FAM117B: variants seen among roughly 807,000 people sequenced by gnomAD.
The protein encoded by FAM117B is family with sequence similarity 117 member B.
In FAM117B, 22 loss-of-function variants were observed where a neutral mutation model predicts 52.8. The ratio of observed to expected loss-of-function variants is 0.42; its 90% CI spans 0.30 to 0.59. FAM117B has a LOEUF of 0.59. FAM117B is among the 20% of genes least tolerant of loss of function. FAM117B has a pLI of 0.22. For synonymous variants in FAM117B, 309 were observed against 324.1 expected, an observed-to-expected ratio of 0.95 and a Z score of 0.50; for missense variants, 678 against 802.6, an observed-to-expected ratio of 0.84 and a Z score of 1.88.
chr2:202,731,368 T>TATATATATATATATAGATAG (rs780138718), intron 4 of FAM117B, among the ~76,000 whole-genome samples: 1 of 95,842 alleles, frequency 1.0e-5, no homozygotes, highest in African/African-American at 3.4e-5. Flanking sequence ...TATATATATA[T>TATATATATATATATAGATAG]GGAGAGAGAG....
intron 2 of FAM117B, among the ~76,000 whole-genome samples, chr2:202,699,694 G>C (rs747919607): frequency 2.0e-5 from 3 of 151,994 alleles, no homozygotes; most frequent in Non-Finnish European, 4.4e-5. Flanking sequence ...TAAACATTGT[G>C]GTAAAATATA....
chr2:202,673,470 CGTT>C (rs1462342072), intron 1 of FAM117B, among the ~76,000 whole-genome samples: 2 of 40,422 alleles, frequency 4.9e-5, no homozygotes, highest in South Asian at 7.9e-4. Flanking sequence ...TTTTTTGAGA[CGTT>C]GTCTTGCTCT....
chr2:202,650,686 C>T (rs998215978), intron 1 of FAM117B, among the ~76,000 whole-genome samples: 2 of 152,150 alleles, frequency 1.3e-5, no homozygotes, highest in Non-Finnish European at 2.9e-5. Context: ...GGCCTGAGAG[C>T]GCCTGGCAAT....
intron 2 of FAM117B, among the ~76,000 whole-genome samples, chr2:202,716,139 CCTT>C (rs1286454868): frequency 1.3e-5 from 2 of 152,142 alleles, no homozygotes; most frequent in African/African-American, 4.8e-5. Context: ...TATGTAGTGA[CCTT>C]CTTTGTCTCT....
At chr2:202,714,911 A>G (rs1192412168) in intron 2 of FAM117B, among the ~76,000 whole-genome samples, 5 of 152,190 alleles carry the variant, frequency 3.3e-5, no homozygotes, top group African/African-American at 1.2e-4. Flanking sequence ...GAACAAAATG[A>G]AAAGTCTCCC....
Position 202,682,302 on chromosome 2 carries a change from C to T in FAM117B, c.602-13579C>T, listed in dbSNP as rs748986514. ...GAGCTGTTAACTCTTAAGCCGTCTG[C>T]GGATGGCAAAGTTAAAAGGGTGCTG... On this transcript the variant is annotated intron_variant, in intron 1 of 7. Transcript: ENST00000392238. Among the ~76,000 whole-genome samples the T allele has an allele frequency of 4.6e-5, 7 of 152,294 alleles. No individual in the cohort carries two copies. The East Asian group carries it at 9.6e-4, about 21-fold the overall frequency.
At position 202,681,476 on chromosome 2, in the gene FAM117B, C is replaced by T. The variant is rs76374047; in HGVS notation, c.602-14405C>T. Among the ~76,000 whole-genome samples, 542 of 152,072 alleles carry T rather than the reference C, an allele frequency of 3.6e-3. 3 individuals carry two copies. Among genetic ancestry groups the T allele is most frequent in the African/African-American group, 0.013 (523 of 41,462 alleles). ...ATAAGATGCACTGTACAAAACTGAG[C>T]GTAGGAAAGCTAATATAGTGATTAC... On this transcript the variant is annotated intron_variant, in intron 1 of 7. Transcript: ENST00000392238.
intron 2 of FAM117B, among the ~76,000 whole-genome samples, chr2:202,724,584 A>G (rs796453477): frequency 1.5e-4 from 23 of 152,322 alleles, no homozygotes; most frequent in African/African-American, 5.5e-4. Context: ...ATAATAACTG[A>G]CATTATTAGC....
intron 7 of FAM117B, among the ~76,000 whole-genome samples, chr2:202,761,450 G>C (rs1479381043): frequency 7.2e-5 from 11 of 152,190 alleles, no homozygotes; most frequent in Non-Finnish European, 2.9e-5. Flanking sequence ...AGAGGTGTGT[G>C]TGTGTGTCTG....
rs548766962 is a variant in FAM117B, at chr2:202,667,393, G to A, written c.602-28488G>A. Among the ~76,000 whole-genome samples, 3 of 152,166 alleles carry A rather than the reference G, an allele frequency of 2.0e-5. No individual in the cohort carries two copies. In the East Asian group the frequency reaches 5.8e-4, roughly 29 times the overall value. ...TGGGATTATTAGCATGAGCCACCACGCCCGGCCTAAGTATTTCTTTTTGAG... is the reference window on the plus strand; with the variant it reads ...TGGGATTATTAGCATGAGCCACCACACCCGGCCTAAGTATTTCTTTTTGAG... On this transcript the variant is annotated intron_variant, in intron 1 of 7. Coordinates refer to ENST00000392238, the MANE Select transcript of FAM117B (RefSeq NM_173511.4).
intron 1 of FAM117B, among the ~76,000 whole-genome samples, chr2:202,668,140 AAAT>A (rs1417240712): frequency 1.4e-5 from 2 of 140,230 alleles, no homozygotes; most frequent in African/African-American, 2.9e-5. Context: ...TATTTTATAA[AAAT>A]ATATAAATAT....
At chr2:202,652,262 C>A (rs1263194022) in intron 1 of FAM117B, among the ~76,000 whole-genome samples, 1 of 151,902 alleles carries the variant, frequency 6.6e-6, no homozygotes, top group Non-Finnish European at 1.5e-5. Context: ...CCTTGCCAGG[C>A]TAATTTCTTT....
chr2:202,696,500 T>C (rs1366720043), intron 2 of FAM117B, among the ~76,000 whole-genome samples: 5 of 152,240 alleles, frequency 3.3e-5, no homozygotes, highest in African/African-American at 4.8e-5. Context: ...CTGGTCCTCA[T>C]GAGGCCCATG....
intron 2 of FAM117B, among the ~76,000 whole-genome samples, chr2:202,711,099 GTTCCTCTATTTTTT>G (rs567406735): frequency 5.1e-4 from 78 of 152,122 alleles, no homozygotes; most frequent in African/African-American, 1.7e-3. Flanking sequence ...GGATCATATG[GTTCCTCTATTTTTT>G]GTTTTTTTGA....
chr2:202,669,863 A>C (rs901385968), intron 1 of FAM117B, among the ~76,000 whole-genome samples: 1 of 152,150 alleles, frequency 6.6e-6, no homozygotes, highest in African/African-American at 2.4e-5. Context: ...CTTGATTGCA[A>C]ATGACAACTC....
intron 1 of FAM117B, among the ~76,000 whole-genome samples, chr2:202,675,816 C>T (rs902435208): frequency 1.3e-5 from 2 of 151,902 alleles, no homozygotes; most frequent in Non-Finnish European, 2.9e-5. Flanking sequence ...GAAATCCTGT[C>T]TCTACTAAAA....
intron 2 of FAM117B, among the ~76,000 whole-genome samples, chr2:202,722,094 T>A (rs1691164971): frequency 7.1e-6 from 1 of 140,304 alleles, no homozygotes; most frequent in East Asian, 2.1e-4. Context: ...CACTGCAACC[T>A]CCACCTCCCA....
intron 1 of FAM117B, among the ~76,000 whole-genome samples, chr2:202,640,071 A>G (rs1357005381): frequency 6.6e-6 from 1 of 151,726 alleles, no homozygotes; most frequent in Non-Finnish European, 1.5e-5. Flanking sequence ...GGAGTTCGAG[A>G]CCAGCCTGCC....
chr2:202,739,983 C>G (rs1427485478), intron 4 of FAM117B, among the ~76,000 whole-genome samples: 1 of 151,452 alleles, frequency 6.6e-6, no homozygotes, highest in Non-Finnish European at 1.5e-5. Context: ...ACCATCCTGG[C>G]TAACATGGTG....
Sources: gnomAD v4.1 joint callset for allele counts (sites outside exome capture counted in the v4.1 genomes callset) on GRCh38, gnomAD v4.1.1 for gene constraint, MANE v1.5 for transcripts, NCBI Gene and HGNC (gene_info 2026-07-23, HGNC 2026-07-21) for gene names.